Variants in CRX observed in about 807,000 individuals in gnomAD.
CRX encodes cone-rod homeobox protein.
In CRX, 5 loss-of-function variants were observed where a neutral mutation model predicts 13.1. The observed-to-expected ratio is 0.38, with a 90% CI of 0.20 to 0.80. CRX has a LOEUF of 0.80. Among genes scored for constraint, CRX ranks in the 30% least tolerant of loss-of-function variants. The probability of loss-of-function intolerance (pLI) is 0.43; values close to 1 mark genes in which losing one functional copy is unlikely to be tolerated. For synonymous variants in CRX, 179 were observed against 171.1 expected (o/e 1.05, Z -0.36); for missense variants, 351 against 391.8 (o/e 0.90, Z 0.88).
At chr19:47,832,049 T>C (rs1451040079) in intron 1 of CRX, among the ~76,000 whole-genome samples, 4 of 148,338 alleles carry the variant, frequency 2.7e-5, no homozygotes, top group Non-Finnish European at 5.9e-5. Flanking sequence ...CCTAGAACAA[T>C]TTTTTAAAAC....
In CRX at chr19:47,839,795, G is replaced by T; in HGVS notation, c.728G>T (p.Gly243Val). ...ALSPLSGPSV[G>V]PSLAQSPTSL... is the part of the protein sequence containing the mutation. ...AGCCCCCTCTCTGGCCCCTCCGTGGGACCTTCCCTGGCCCAGTCCCCCACC... is the reference window on the plus strand; with the variant it reads ...AGCCCCCTCTCTGGCCCCTCCGTGGTACCTTCCCTGGCCCAGTCCCCCACC... The change falls in exon 4 of 4, where the codon GGA becomes GTA. Residue 243 changes from glycine to valine, a missense_variant. This residue lies in a region of CRX where 253 missense variants were observed against 268.3 expected (regional missense o/e 0.94). Coordinates refer to ENST00000221996, the MANE Select transcript of CRX (RefSeq NM_000554.6). The surrounding 1 kb of genome is among the most constrained non-coding windows in gnomAD (Gnocchi z 4.6). 5.0e-6 allele frequency: 8 copies of T among 1,614,068 alleles called. No individual in the cohort carries two copies. The highest frequency in any genetic ancestry group is 1.7e-5 in the Admixed American group (1 of 60,004).
chr19:47,824,734 G>A (rs1967954338), intron 1 of CRX, among the ~76,000 whole-genome samples: 1 of 152,162 alleles, frequency 6.6e-6, no homozygotes, highest in African/African-American at 2.4e-5. Flanking sequence ...GCTCAGCTGG[G>A]AACCTGGGAC....
intron 3 of CRX, among the ~76,000 whole-genome samples, chr19:47,838,621 T>C (rs1968148688): frequency 6.6e-6 from 1 of 152,108 alleles, no homozygotes; most frequent in Non-Finnish European, 1.5e-5. Flanking sequence ...GTATGATGTA[T>C]ATGTGTATGA....
chr19:47,842,995 G>C lies in CRX; in HGVS notation c.*3028G>C, dbSNP rs543012299. 1 of 152,398 alleles carries C rather than the reference G, an allele frequency of 6.6e-6. No homozygotes were observed. The highest frequency in any genetic ancestry group is 2.1e-4 in the South Asian group (1 of 4,826). 9.4% of individuals were successfully genotyped at this position (152,398 alleles called of 1,614,324 possible). ...CCCCCATCACAGGCCGATGGGGTAA[G>C]ACTTCGAGAGAGCCTGATCCTGGGG... On this transcript the variant is annotated 3_prime_UTR_variant, in exon 4 of 4. Coordinates refer to ENST00000221996, the MANE Select transcript of CRX (RefSeq NM_000554.6).
Position 47,839,285 on chromosome 19 carries a change from A to G in CRX, c.253-35A>G. The G allele has an allele frequency of 3.1e-6, 5 of 1,600,808 alleles. No homozygotes were observed. Among genetic ancestry groups the G allele is most frequent in the Non-Finnish European group, 3.4e-6 (4 of 1,174,176 alleles). On this transcript the variant is annotated intron_variant, in intron 3 of 3. Transcript: ENST00000221996. The surrounding 1 kb of genome is among the most constrained non-coding windows in gnomAD (Gnocchi z 4.6). ...TGCGGCTCTCCTGGGCCTCTTCCCC[A>G]CTTACCCACCCCCATCTCCGCTCTT...
chr19:47,830,344 C>T (rs1162428252), intron 1 of CRX, among the ~76,000 whole-genome samples: 2 of 151,538 alleles, frequency 1.3e-5, no homozygotes, highest in South Asian at 2.1e-4. Flanking sequence ...GATTCTCTGA[C>T]GCATATATAA....
In CRX at chr19:47,841,421, C is replaced by T. The variant is rs1300685830; in HGVS notation, c.*1454C>T. The T allele has an allele frequency of 6.6e-6, 1 of 152,086 alleles. No individual in the cohort carries two copies. The highest frequency in any genetic ancestry group is 1.5e-5 in the Non-Finnish European group (1 of 68,030). 9.4% of individuals were successfully genotyped at this position (152,086 alleles called of 1,614,324 possible). On this transcript the variant is annotated 3_prime_UTR_variant, in exon 4 of 4. Transcript: ENST00000221996. ...GACACTGGTGGAACTGGGGTAGCTG[C>T]TTGGGACGTACCACCTATAGTTGTG... is the stretch of plus-strand genomic sequence containing the variant.
In CRX at chr19:47,839,787, C is replaced by G. The variant is rs748655180; in HGVS notation, c.720C>G (p.Pro240=). 2.8e-5 allele frequency: 46 copies of G among 1,614,052 alleles called. No individual in the cohort carries two copies. Among genetic ancestry groups the G allele is most frequent in the Non-Finnish European group, 3.5e-5 (41 of 1,180,020 alleles). ...CGGCTCTTAGCCCCCTCTCTGGCCC[C>G]TCCGTGGGACCTTCCCTGGCCCAGT... The part of the protein sequence containing the change: ...GGPALSPLSG[P]SVGPSLAQSP... The change falls in exon 4 of 4, where the codon CCC becomes CCG. Residue 240 remains proline (P), a synonymous_variant. Coordinates refer to ENST00000221996, the MANE Select transcript of CRX (RefSeq NM_000554.6). The surrounding 1 kb of genome is among the most constrained non-coding windows in gnomAD (Gnocchi z 4.6).
chr19:47,828,496 A>G (rs1416706454), intron 1 of CRX, among the ~76,000 whole-genome samples: 1 of 152,124 alleles, frequency 6.6e-6, no homozygotes, highest in Non-Finnish European at 1.5e-5. Flanking sequence ...AGGAACCGAG[A>G]TATTACCAGT....
At chr19:47,828,612 A>AGTGTGTGTGTGTGTGT (rs113277135) in intron 1 of CRX, among the ~76,000 whole-genome samples, 12 of 149,624 alleles carry the variant, frequency 8.0e-5, no homozygotes, top group African/African-American at 2.2e-4. Flanking sequence ...GGAGGTAGGG[A>AGTGTGTGTGTGTGTGT]GCGTGTGTGT....
At chr19:47,837,610 G>A (rs185207488) in intron 3 of CRX, among the ~76,000 whole-genome samples, 268 of 150,848 alleles carry the variant, frequency 1.8e-3, no homozygotes, top group African/African-American at 6.2e-3. Flanking sequence ...TGTGTATGAT[G>A]TATGGGTGTA....
Position 47,830,745 on chromosome 19 carries a change from G to A in CRX, c.-35-3664G>A, listed in dbSNP as rs567772455. On this transcript the variant is annotated intron_variant, in intron 1 of 3. Coordinates refer to ENST00000221996, the MANE Select transcript of CRX (RefSeq NM_000554.6). ...CAGGAGGTGGAGTTTGCAGCAAGCC[G>A]AGATTGTGCCACTGCACTCCAGCCT... Among the ~76,000 whole-genome samples the A allele has an allele frequency of 2.0e-5, 3 of 150,198 alleles. No individual in the cohort carries two copies. In the South Asian group the frequency reaches 6.4e-4, roughly 32 times the overall value.
At chr19:47,829,081 A>T (rs2123733331) in intron 1 of CRX, among the ~76,000 whole-genome samples, 1 of 152,182 alleles carries the variant, frequency 6.6e-6, no homozygotes, top group Admixed American at 6.5e-5. Flanking sequence ...ACATGAGTAA[A>T]ATCAATGCCT....
chr19:47,823,004 C>T (rs756253240), intron 1 of CRX, among the ~76,000 whole-genome samples: 2 of 152,032 alleles, frequency 1.3e-5, no homozygotes, highest in Non-Finnish European at 2.9e-5. Flanking sequence ...CCATGTTGTC[C>T]AGGCTGGTCT....
chr19:47,837,799 GT>G lies in CRX; in HGVS notation c.252+1406del, dbSNP rs561597295. Among the ~76,000 whole-genome samples, 15 of 152,178 alleles carry G rather than the reference GT, an allele frequency of 9.9e-5. 1 individual carries two copies. In the South Asian group the frequency reaches 3.1e-3, roughly 32 times the overall value. ...ATGATGTATGTGTGTACAATTGTAT[GT>G]ATCATCAGATGGATAAGTCTATGTA... On this transcript the variant is annotated intron_variant, in intron 3 of 3. Coordinates refer to ENST00000221996, the MANE Select transcript of CRX (RefSeq NM_000554.6).
Position 47,839,183 on chromosome 19 carries a change from C to A in CRX, c.253-137C>A. 1 of 904,760 alleles carries A rather than the reference C, an allele frequency of 1.1e-6. No individual in the cohort carries two copies. Among genetic ancestry groups the A allele is most frequent in the Non-Finnish European group, 1.7e-6 (1 of 590,156 alleles). 56.0% of individuals were successfully genotyped at this position (904,760 alleles called of 1,614,324 possible). A position where few individuals can be genotyped will look rare whatever the true frequency, so the allele number is the denominator to read the frequency against. On this transcript the variant is annotated intron_variant, in intron 3 of 3. Coordinates refer to ENST00000221996, the MANE Select transcript of CRX (RefSeq NM_000554.6). The surrounding 1 kb of genome is among the most constrained non-coding windows in gnomAD (Gnocchi z 4.6). Reference sequence around the variant, plus strand: ...AGATGGATGGATGGGTGAATAGACGCCCCACAGCTGGATGCAAAGTAGACA... The same window carrying A: ...AGATGGATGGATGGGTGAATAGACGACCCACAGCTGGATGCAAAGTAGACA...
intron 3 of CRX, among the ~76,000 whole-genome samples, chr19:47,837,534 G>A (rs2123740898): frequency 6.6e-6 from 1 of 152,284 alleles, no homozygotes; most frequent in African/African-American, 2.4e-5. Flanking sequence ...AATAAAATGT[G>A]TGTGTTAGTA....
chr19:47,835,627 T>TTTTTTTTTTTTGTTTTG (rs1568624594), intron 2 of CRX, among the ~76,000 whole-genome samples: 8 of 148,602 alleles, frequency 5.4e-5, no homozygotes, highest in African/African-American at 2.0e-4. Flanking sequence ...CTTGTTTTTT[T>TTTTTTTTTTTTGTTTTG]TTTTTTTTTT....
At position 47,834,486 on chromosome 19, in the gene CRX, G is replaced by A. The variant is rs559181643; in HGVS notation, c.43G>A (p.Ala15Thr). 13 of 1,614,116 alleles carry A rather than the reference G, an allele frequency of 8.1e-6. No individual in the cohort carries two copies. Among genetic ancestry groups the A allele is most frequent in the African/African-American group, 4.0e-5 (3 of 75,002 alleles). ...CCCGGGGCCCCACTATTCTGTCAAC[G>A]CCTTGGCCCTAAGTGGCCCCAGTGT... Reference protein sequence around the residue: ...MNPGPHYSVNALALSGPSVDL... With the variant: ...MNPGPHYSVNTLALSGPSVDL... Residue 15 changes from alanine (A) to threonine (T), a missense_variant, in exon 2 of 4, where the codon GCC (alanine) becomes ACC (threonine). Physicochemically the swap from Ala to Thr is moderately conservative, Grantham distance 58. Coordinates refer to ENST00000221996, the MANE Select transcript of CRX (RefSeq NM_000554.6).
Sources: gnomAD v4.1 joint callset for allele counts (sites outside exome capture counted in the v4.1 genomes callset) on GRCh38, gnomAD v4.1.1 for gene constraint, gnomAD v4.1.1 regional missense constraint, Gnocchi (gnomAD v3.1) non-coding constraint, MANE v1.5 for transcripts, NCBI Gene and HGNC (gene_info 2026-07-23, HGNC 2026-07-21) for gene names.